ASB3: variants seen among roughly 807,000 people sequenced by gnomAD.
ASB3 encodes the protein ankyrin repeat and SOCS box protein 3.
In ASB3, 41 loss-of-function variants were observed where a neutral mutation model predicts 54.5. The ratio of observed to expected loss-of-function variants is 0.75; its 90% CI spans 0.59 to 0.98. The LOEUF is 0.98. ASB3 is among the 50% of genes least tolerant of loss of function. The probability of loss-of-function intolerance (pLI) is 0.00; values close to 1 mark genes in which losing one functional copy is unlikely to be tolerated. For synonymous variants in ASB3, 266 were observed against 221.2 expected, an observed-to-expected ratio of 1.20 and a Z score of -1.80; for missense variants, 733 against 620.0, an observed-to-expected ratio of 1.18 and a Z score of -1.94.
intron 7 of ASB3, among the ~76,000 whole-genome samples, chr2:53,712,803 T>C (rs529726046): frequency 9.2e-5 from 14 of 152,228 alleles, no homozygotes; most frequent in African/African-American, 3.4e-4. Flanking sequence ...AATCATTATA[T>C]TCTGGTCTAA....
chr2:53,785,677 T>C (rs1674925913), intron 1 of ASB3, among the ~76,000 whole-genome samples: 1 of 152,022 alleles, frequency 6.6e-6, no homozygotes, highest in South Asian at 2.1e-4. Context: ...ACCCTGCCTC[T>C]ACTAAAAATA....
At chr2:53,697,604 G>A (rs1384287661) in intron 8 of ASB3, among the ~76,000 whole-genome samples, 1 of 152,186 alleles carries the variant, frequency 6.6e-6, no homozygotes, top group Non-Finnish European at 1.5e-5. Context: ...CTGTGAGCCT[G>A]TGAAATCAAA....
chr2:53,766,480 C>CT (rs1286665029), intron 1 of ASB3, among the ~76,000 whole-genome samples: 2 of 151,170 alleles, frequency 1.3e-5, no homozygotes, highest in South Asian at 2.1e-4. Context: ...TGCCCTTATT[C>CT]TTTTTTTTTA....
At chr2:53,774,412 C>T (rs1442258313) in intron 1 of ASB3, 1 of 1,612,568 alleles carries the variant, frequency 6.2e-7, no homozygotes, top group Admixed American at 1.7e-5. Flanking sequence ...TCTTTTTGAA[C>T]TTGCAAATTC....
In ASB3 at chr2:53,683,794, C is replaced by A. The variant is rs529189939; in HGVS notation, c.1369+10090G>T. Among the ~76,000 whole-genome samples the A allele has an allele frequency of 2.6e-5, 4 of 152,118 alleles. No homozygotes were observed. In the East Asian group the frequency reaches 7.7e-4, roughly 29 times the overall value. On this transcript the variant is annotated intron_variant, in intron 9 of 9. Transcript: ENST00000263634. Reference sequence around the variant, plus strand: ...CTTCTAATGATCCTTTGAATTTCTACGGTATCGGTTATAATGTCTTCTTTT... The same window carrying A: ...CTTCTAATGATCCTTTGAATTTCTAAGGTATCGGTTATAATGTCTTCTTTT...
intron 7 of ASB3, among the ~76,000 whole-genome samples, chr2:53,704,133 G>A (rs1306589569): frequency 6.6e-6 from 1 of 152,080 alleles, no homozygotes; most frequent in Non-Finnish European, 1.5e-5. Context: ...AGCCAAGGCG[G>A]ACAGATCACT....
intron 1 of ASB3, among the ~76,000 whole-genome samples, chr2:53,766,190 C>T (rs1029926877): frequency 2.0e-5 from 3 of 152,190 alleles, no homozygotes; most frequent in Admixed American, 1.3e-4. Flanking sequence ...ACTGAGCATA[C>T]TGAAACCAAC....
intron 3 of ASB3, among the ~76,000 whole-genome samples, chr2:53,749,176 G>C (rs62137606): frequency 0.099 from 14,977 of 151,960 alleles, 858 homozygotes; most frequent in East Asian, 0.15. Flanking sequence ...AAAAAGGAAA[G>C]ATGGAAAATA....
intron 6 of ASB3, 100 bp downstream of exon 6, chr2:53,716,466 T>G (rs1670397817): frequency 7.0e-7 from 1 of 1,419,086 alleles, no homozygotes; most frequent in African/African-American, 1.4e-5. Flanking sequence ...GGGAAGAGAA[T>G]ATCAAAGACT....
chr2:53,759,539 T>A (rs1240023617), intron 2 of ASB3, among the ~76,000 whole-genome samples: 3 of 152,026 alleles, frequency 2.0e-5, no homozygotes, highest in South Asian at 2.1e-4. Context: ...CAGTTTTTTA[T>A]AATAAAGATC....
At chr2:53,733,016 C>G (rs1433954748) in intron 3 of ASB3, among the ~76,000 whole-genome samples, 1 of 152,114 alleles carries the variant, frequency 6.6e-6, no homozygotes, top group African/African-American at 2.4e-5. Flanking sequence ...ACTGAGAAAA[C>G]CAAGTATAAG....
chr2:53,759,750 C>A (rs1235829506), intron 2 of ASB3, among the ~76,000 whole-genome samples: 1 of 152,224 alleles, frequency 6.6e-6, no homozygotes, highest in African/African-American at 2.4e-5. Flanking sequence ...TCCCCCTCGT[C>A]CATGCCCCTT....
intron 3 of ASB3, among the ~76,000 whole-genome samples, chr2:53,747,599 C>G (rs931379276): frequency 6.6e-6 from 1 of 152,154 alleles, no homozygotes; most frequent in Non-Finnish European, 1.5e-5. Context: ...TAAGAGAGGT[C>G]TTCTCAGAAT....
intron 1 of ASB3, among the ~76,000 whole-genome samples, chr2:53,773,112 T>C (rs1310382486): frequency 6.6e-6 from 1 of 152,182 alleles, no homozygotes; most frequent in Non-Finnish European, 1.5e-5. Flanking sequence ...AATGCTTTCA[T>C]AATTGATACT....
At chr2:53,760,148 T>C (rs1216306475) in intron 2 of ASB3, among the ~76,000 whole-genome samples, 10 of 151,974 alleles carry the variant, frequency 6.6e-5, no homozygotes, top group Non-Finnish European at 7.4e-5. Context: ...GGGAGAGACA[T>C]CCTAGGAAAA....
intron 1 of ASB3, among the ~76,000 whole-genome samples, chr2:53,782,856 G>A (rs755946326): frequency 1.3e-5 from 2 of 151,752 alleles, no homozygotes; most frequent in African/African-American, 4.9e-5. Context: ...GCGCAATCTC[G>A]GCTCACTGCA....
chr2:53,786,098 G>A (rs114923242), intron 1 of ASB3, among the ~76,000 whole-genome samples: 2,242 of 152,172 alleles, frequency 0.015, 47 homozygotes, highest in African/African-American at 0.05. Flanking sequence ...TTTAGGGAAT[G>A]GTAATTTCTC....
intron 2 of ASB3, among the ~76,000 whole-genome samples, chr2:53,759,863 G>A (rs181512090): frequency 2.8e-4 from 43 of 152,260 alleles, no homozygotes; most frequent in African/African-American, 5.5e-4. Flanking sequence ...GAGGGTGTCC[G>A]GGGCAAGCAC....
intron 6 of ASB3, among the ~76,000 whole-genome samples, chr2:53,715,890 A>T (rs1183312491): frequency 6.6e-6 from 1 of 152,208 alleles, no homozygotes; most frequent in Non-Finnish European, 1.5e-5. Flanking sequence ...AGCAGCTATA[A>T]AAAGTGCTAT....
Sources: allele counts gnomAD v4.1 joint callset (sites outside exome capture counted in the v4.1 genomes callset), GRCh38; gene constraint gnomAD v4.1.1; transcripts MANE v1.5; gene names NCBI Gene and HGNC (gene_info 2026-07-23, HGNC 2026-07-21).